DYRK1A: variants seen among roughly 807,000 people sequenced by gnomAD.
The protein encoded by DYRK1A is dual specificity tyrosine phosphorylation regulated kinase 1A, also known as dual specificity tyrosine-phosphorylation-regulated kinase 1A.
Under a neutral mutation model 79.7 loss-of-function variants are expected in DYRK1A, and 9 were observed. That is an observed-to-expected ratio of 0.11 (90% CI 0.07 to 0.20). The LOEUF (loss-of-function observed/expected upper bound fraction) is 0.20, where lower values mean the gene tolerates loss of function less well. DYRK1A is among the 10% of genes least tolerant of loss of function. The pLI is 1.00. For missense variants in DYRK1A, 622 were observed against 956.0 expected, an observed-to-expected ratio of 0.65 and a Z score of 4.61; for synonymous variants, 349 against 329.7, an observed-to-expected ratio of 1.06 and a Z score of -0.63.
chr21:37,425,143 GT>G (rs2050581918), intron 2 of DYRK1A, among the ~76,000 whole-genome samples: 1 of 152,160 alleles, frequency 6.6e-6, no homozygotes, highest in Non-Finnish European at 1.5e-5. Flanking sequence ...TTGTTTACCA[GT>G]TTTATGTCCA....
At chr21:37,417,107 C>T (rs922110305) in intron 1 of DYRK1A, among the ~76,000 whole-genome samples, 6 of 152,070 alleles carry the variant, frequency 3.9e-5, no homozygotes, top group African/African-American at 1.4e-4. Flanking sequence ...TTTATTAGCT[C>T]CTGGGTTAGT....
At chr21:37,466,199 A>G (rs934586977) in intron 2 of DYRK1A, among the ~76,000 whole-genome samples, 4 of 152,230 alleles carry the variant, frequency 2.6e-5, no homozygotes, top group African/African-American at 9.6e-5. Flanking sequence ...GATTCTATCC[A>G]TGCTGGATGG....
intron 1 of DYRK1A, among the ~76,000 whole-genome samples, chr21:37,396,499 A>G (rs2049961849): frequency 6.6e-6 from 1 of 151,212 alleles, no homozygotes; most frequent in Admixed American, 6.6e-5. Context: ...TTTTTGAGTC[A>G]GTGAATTAAA....
chr21:37,418,669 A>G (rs1300965205), intron 1 of DYRK1A, among the ~76,000 whole-genome samples: 1 of 152,204 alleles, frequency 6.6e-6, no homozygotes, highest in Non-Finnish European at 1.5e-5. Context: ...ATTATTAGAA[A>G]ATGATGTCCT....
chr21:37,373,881 T>G (rs1486317560), intron 1 of DYRK1A, among the ~76,000 whole-genome samples: 2 of 152,182 alleles, frequency 1.3e-5, no homozygotes, highest in Non-Finnish European at 2.9e-5. Flanking sequence ...TTCAAAATGT[T>G]TTGGGAGAAG....
At chr21:37,412,965 T>C (rs1326478564) in intron 1 of DYRK1A, among the ~76,000 whole-genome samples, 2 of 152,138 alleles carry the variant, frequency 1.3e-5, no homozygotes, top group Admixed American at 6.5e-5. Context: ...CAGGGAAAGA[T>C]GTATAGAGAA....
intron 5 of DYRK1A, among the ~76,000 whole-genome samples, chr21:37,483,940 C>G (rs548112165): frequency 6.6e-6 from 1 of 152,072 alleles, no homozygotes. Flanking sequence ...CTCTGTCAGC[C>G]TCTTAAGGAA....
chr21:37,473,476 T>G (rs935886572), intron 3 of DYRK1A, among the ~76,000 whole-genome samples: 2 of 152,152 alleles, frequency 1.3e-5, no homozygotes. Flanking sequence ...ATTTTTAATA[T>G]CTTTCTAAAT....
intron 2 of DYRK1A, among the ~76,000 whole-genome samples, chr21:37,452,757 GTTTTTTT>G (rs35209884): frequency 1.0e-5 from 1 of 96,544 alleles, no homozygotes; most frequent in Non-Finnish European, 2.0e-5. Flanking sequence ...TCACACTCCC[GTTTTTTT>G]TTTTTTTTTT....
At chr21:37,426,919 T>A (rs796462998) in intron 2 of DYRK1A, among the ~76,000 whole-genome samples, 26,477 of 119,126 alleles carry the variant, frequency 0.22, 4,170 homozygotes, top group Admixed American at 0.27. Flanking sequence ...GACTCGGTTC[T>A]AAAAAAAAAA....
At chr21:37,399,494 G>T (rs2050016433) in intron 1 of DYRK1A, among the ~76,000 whole-genome samples, 1 of 152,136 alleles carries the variant, frequency 6.6e-6, no homozygotes, top group Admixed American at 6.5e-5. Context: ...ATTTGGCAAA[G>T]ATTGTACCAG....
At chr21:37,473,531 G>C (rs2052298510) in intron 3 of DYRK1A, among the ~76,000 whole-genome samples, 1 of 152,164 alleles carries the variant, frequency 6.6e-6, no homozygotes, top group Non-Finnish European at 1.5e-5. Flanking sequence ...AGACTTAACA[G>C]CTGTAGTTGT....
chr21:37,436,220 T>C (rs2050920260), intron 2 of DYRK1A, among the ~76,000 whole-genome samples: 1 of 152,152 alleles, frequency 6.6e-6, no homozygotes, highest in Non-Finnish European at 1.5e-5. Flanking sequence ...AGGTTTTAAA[T>C]ATCACTTAGG....
At chr21:37,445,746 C>A (rs1031029724) in intron 2 of DYRK1A, among the ~76,000 whole-genome samples, 2 of 152,118 alleles carry the variant, frequency 1.3e-5, no homozygotes, top group African/African-American at 4.8e-5. Context: ...TTTTCCATAT[C>A]AAAGCCCAGC....
chr21:37,418,146 G>A (rs1049424674), intron 1 of DYRK1A, among the ~76,000 whole-genome samples: 1 of 152,140 alleles, frequency 6.6e-6, no homozygotes, highest in Non-Finnish European at 1.5e-5. Context: ...TTTTTGAAAA[G>A]TGGCTAGCCT....
At chr21:37,433,831 G>T (rs1252630059) in intron 2 of DYRK1A, among the ~76,000 whole-genome samples, 1 of 152,190 alleles carries the variant, frequency 6.6e-6, no homozygotes, top group Non-Finnish European at 1.5e-5. Context: ...CATGGATTCT[G>T]CGAGAGCTTT....
chr21:37,436,314 G>T (rs988994217), intron 2 of DYRK1A, among the ~76,000 whole-genome samples: 1 of 152,202 alleles, frequency 6.6e-6, no homozygotes, highest in Non-Finnish European at 1.5e-5. Flanking sequence ...CTGGTATTCA[G>T]TTGTCAAATG....
intron 9 of DYRK1A, among the ~76,000 whole-genome samples, chr21:37,497,365 G>A (rs930870033): frequency 1.3e-5 from 2 of 152,104 alleles, no homozygotes; most frequent in African/African-American, 2.4e-5. Context: ...GCAGTTTCCA[G>A]CTGCTAAATT....
At chr21:37,407,384 G>C (rs949760187) in intron 1 of DYRK1A, among the ~76,000 whole-genome samples, 1 of 152,130 alleles carries the variant, frequency 6.6e-6, no homozygotes, top group African/African-American at 2.4e-5. Context: ...CATCATGTCT[G>C]TGCTCAATAG....
Sources: gnomAD v4.1 joint callset for allele counts (sites outside exome capture counted in the v4.1 genomes callset) on GRCh38, gnomAD v4.1.1 for gene constraint, MANE v1.5 for transcripts, NCBI Gene and HGNC (gene_info 2026-07-23, HGNC 2026-07-21) for gene names.